IQCH: variants seen among roughly 807,000 people sequenced by gnomAD.
IQCH encodes IQ domain-containing protein H.
A neutral mutation model predicts 117.0 loss-of-function variants in IQCH; 98 were observed. That is an observed-to-expected ratio of 0.84 (90% CI 0.71 to 0.99). The LOEUF is 0.99. Among genes scored for constraint, IQCH ranks in the 50% least tolerant of loss-of-function variants. IQCH has a pLI of 0.00. For missense variants in IQCH, 1,102 were observed against 1,243.8 expected (o/e 0.89, Z 1.72); for synonymous variants, 412 against 448.2 (o/e 0.92, Z 1.02).
intron 16 of IQCH, among the ~76,000 whole-genome samples, chr15:67,435,897 C>T (rs1349781021): frequency 4.6e-5 from 7 of 151,890 alleles, no homozygotes; most frequent in African/African-American, 1.7e-4. Flanking sequence ...TATTCAGATC[C>T]TTTGCCCATG....
Position 67,401,643 on chromosome 15 carries a change from T to C in IQCH, c.2097+1338T>C, listed in dbSNP as rs1008656700. ...GAACAGTCAGGAGAGAGAGTTCCCTTTGACAAATGTGACTGGTTTCCCCAT... is the reference window on the plus strand; with the variant it reads ...GAACAGTCAGGAGAGAGAGTTCCCTCTGACAAATGTGACTGGTTTCCCCAT... On this transcript the variant is annotated intron_variant, in intron 14 of 20. Transcript: ENST00000335894. This position sits in a 1 kb window ranked among gnomAD's most constrained non-coding sequence, Gnocchi z 4.7. Among the ~76,000 whole-genome samples the C allele has an allele frequency of 6.6e-6, 1 of 152,170 alleles. No homozygotes were observed.
intron 14 of IQCH, among the ~76,000 whole-genome samples, chr15:67,409,437 G>A (rs59778056): frequency 6.6e-6 from 1 of 152,166 alleles, no homozygotes; most frequent in African/African-American, 2.4e-5. Context: ...AGTGTTTGTG[G>A]TCGGGGGCAA....
In IQCH at chr15:67,479,554, T is replaced by C. The variant is rs1047335089; in HGVS notation, c.2799+3736T>C. Among the ~76,000 whole-genome samples, 1 of 152,194 alleles carries C rather than the reference T, an allele frequency of 6.6e-6. No homozygotes were observed. The highest frequency in any genetic ancestry group is 1.5e-5 in the Non-Finnish European group (1 of 68,052). On this transcript the variant is annotated intron_variant, in intron 18 of 20. Transcript: ENST00000335894. This position sits in a 1 kb window ranked among gnomAD's most constrained non-coding sequence, Gnocchi z 4.6. ...CTTCAGCTGGAGAAACACAGACTTC[T>C]TTTCATAGCCCCTATGACTATCTCT...
In IQCH at chr15:67,500,874, A is replaced by G. The variant is rs923667316; in HGVS notation, c.*128A>G. 253 of 464,994 alleles carry G rather than the reference A, an allele frequency of 5.4e-4. No individual in the cohort carries two copies. The highest frequency in any genetic ancestry group is 3.0e-4 in the Non-Finnish European group (76 of 255,788). 28.8% of individuals were successfully genotyped at this position (464,994 alleles called of 1,614,324 possible). A position where few individuals can be genotyped will look rare whatever the true frequency, so the allele number is the denominator to read the frequency against. On this transcript the variant is annotated 3_prime_UTR_variant, in exon 21 of 21. Coordinates refer to ENST00000335894, the MANE Select transcript of IQCH (RefSeq NM_001031715.3). The surrounding 1 kb of genome is among the most constrained non-coding windows in gnomAD (Gnocchi z 4.4). ...TGTGCTAGGAGGTGAATCAGAACAGATTATAATGAAATGCTCTTTTTAAAA... is the reference window on the plus strand; with the variant it reads ...TGTGCTAGGAGGTGAATCAGAACAGGTTATAATGAAATGCTCTTTTTAAAA...
intron 4 of IQCH, among the ~76,000 whole-genome samples, chr15:67,335,103 A>G (rs938442401): frequency 6.6e-6 from 1 of 152,030 alleles, no homozygotes; most frequent in African/African-American, 2.4e-5. Flanking sequence ...CAGTCACCTC[A>G]CTGCCTTTTC....
rs982820268 is a variant in IQCH at position 67,473,225 on chromosome 15, T to G, written c.2677-2471T>G. ...AATTTGAGAGTGTTTACAGTTCACT[T>G]CCATGTGCAAAAGCCCATGCTTCTG... On this transcript the variant is annotated intron_variant, in intron 17 of 20. Transcript: ENST00000335894. This position sits in a 1 kb window ranked among gnomAD's most constrained non-coding sequence, Gnocchi z 4.9. 6.6e-6 allele frequency among the ~76,000 whole-genome samples: 1 copy of G among 152,188 alleles called. No homozygotes were observed. Among genetic ancestry groups the G allele is most frequent in the African/African-American group, 2.4e-5 (1 of 41,462 alleles).
At chr15:67,383,399 C>T (rs758803098) in intron 10 of IQCH, among the ~76,000 whole-genome samples, 29 of 152,124 alleles carry the variant, frequency 1.9e-4, no homozygotes, top group Non-Finnish European at 2.4e-4. Flanking sequence ...TCACATGCTG[C>T]GTATGTGGCA....
At chr15:67,265,230 A>G (rs896643730) in intron 3 of IQCH, among the ~76,000 whole-genome samples, 1 of 152,270 alleles carries the variant, frequency 6.6e-6, no homozygotes, top group South Asian at 2.1e-4. Flanking sequence ...TACAGAGAAC[A>G]AAACAGAAAG....
intron 5 of IQCH, among the ~76,000 whole-genome samples, chr15:67,337,495 T>C (rs1968948914): frequency 6.6e-6 from 1 of 152,232 alleles, no homozygotes; most frequent in South Asian, 2.1e-4. Flanking sequence ...CCAGAATTAA[T>C]GTAATTAGTG....
At chr15:67,265,757 A>G (rs979360045) in intron 3 of IQCH, among the ~76,000 whole-genome samples, 1 of 152,230 alleles carries the variant, frequency 6.6e-6, no homozygotes, top group African/African-American at 2.4e-5. Flanking sequence ...ACTTGCCCCA[A>G]GACGCTGTCA....
intron 10 of IQCH, chr15:67,374,222 C>T (rs902854837): frequency 3.3e-5 from 5 of 152,266 alleles, no homozygotes; most frequent in African/African-American, 1.2e-4. Flanking sequence ...TTGCATCTCA[C>T]TAGTGTGTTA....
rs142673476 is a variant in IQCH, at chr15:67,359,948, T to C, written c.753+63T>C. 1.1e-3 allele frequency: 1,460 copies of C among 1,357,380 alleles called. 12 individuals carry two copies. In the African/African-American group the frequency reaches 0.019, roughly 18 times the overall value. The allele number at this position is 1,357,380 out of a possible 1,614,324, so 84.1% of individuals were successfully genotyped here. A position where few individuals can be genotyped will look rare whatever the true frequency, so the allele number is the denominator to read the frequency against. On this transcript the variant is annotated intron_variant, in intron 8 of 20. Transcript: ENST00000335894. The surrounding 1 kb of genome is among the most constrained non-coding windows in gnomAD (Gnocchi z 4.5). ...GTCACCTGATGTCCCTTCCTTTTGC[T>C]GCAGGGCAAGAGTATGGGTGACTGC...
intron 3 of IQCH, among the ~76,000 whole-genome samples, chr15:67,264,312 T>C (rs2140437458): frequency 6.9e-6 from 1 of 144,130 alleles, no homozygotes; most frequent in South Asian, 2.3e-4. Flanking sequence ...ACTCATGTAG[T>C]AGTTTAGAAC....
chr15:67,337,884 GT>G (rs958261318), intron 5 of IQCH, among the ~76,000 whole-genome samples: 16 of 152,234 alleles, frequency 1.1e-4, no homozygotes, highest in African/African-American at 3.9e-4. Flanking sequence ...GTTCCCAAAG[GT>G]TCTTCTGCCA....
chr15:67,495,531 G>A (rs975386317), intron 20 of IQCH, among the ~76,000 whole-genome samples: 1 of 152,202 alleles, frequency 6.6e-6, no homozygotes, highest in Non-Finnish European at 1.5e-5. Context: ...CTGCTAGCTA[G>A]TAGCATCATC....
In IQCH at chr15:67,481,291, G is replaced by A. The variant is rs1300629012; in HGVS notation, c.2799+5473G>A. On this transcript the variant is annotated intron_variant, in intron 18 of 20. Coordinates refer to ENST00000335894, the MANE Select transcript of IQCH (RefSeq NM_001031715.3). The surrounding 1 kb of genome is among the most constrained non-coding windows in gnomAD (Gnocchi z 4.1). ...CTCCCAGTTCTGCATGCCTGGGGAG[G>A]TCTCAGGAAACTTACAATCATGGCG... Among the ~76,000 whole-genome samples, 1 of 152,164 alleles carries A rather than the reference G, an allele frequency of 6.6e-6. No individual in the cohort carries two copies. The highest frequency in any genetic ancestry group is 2.4e-5 in the African/African-American group (1 of 41,448).
chr15:67,413,589 T>C lies in IQCH; in HGVS notation c.2098-3342T>C, dbSNP rs1210711222. 6.6e-6 allele frequency: 1 copy of C among 152,228 alleles called. No homozygotes were observed. The highest frequency in any genetic ancestry group is 2.1e-4 in the South Asian group (1 of 4,824). The allele number at this position is 152,228 out of a possible 1,614,324, so 9.4% of individuals were successfully genotyped here. ...ACAATTTTCATTGGTGCTGAGGCCA[T>C]TCTTAGTATAATCCTTGTTTTTCCC... On this transcript the variant is annotated intron_variant, in intron 14 of 20. Transcript: ENST00000335894. The surrounding 1 kb of genome is among the most constrained non-coding windows in gnomAD (Gnocchi z 5.0).
At chr15:67,378,234 C>T (rs146076534) in intron 10 of IQCH, among the ~76,000 whole-genome samples, 9 of 152,004 alleles carry the variant, frequency 5.9e-5, no homozygotes, top group African/African-American at 2.2e-4. Flanking sequence ...TATGCCTCCA[C>T]GCACACTGGC....
chr15:67,348,059 A>G lies in IQCH; in HGVS notation c.637+3868A>G, dbSNP rs538091613. On this transcript the variant is annotated intron_variant, in intron 6 of 20. Coordinates refer to ENST00000335894, the MANE Select transcript of IQCH (RefSeq NM_001031715.3). ...ATATAACCATCTCAATTTAAAAAAAATCAACATCCATTTGTATCAAAAGCT... is the reference window on the plus strand; with the variant it reads ...ATATAACCATCTCAATTTAAAAAAAGTCAACATCCATTTGTATCAAAAGCT... Among the ~76,000 whole-genome samples, 41 of 152,052 alleles carry G rather than the reference A, an allele frequency of 2.7e-4. No homozygotes were observed. The South Asian group carries it at 8.5e-3, about 32-fold the overall frequency.
Sources: gnomAD v4.1 joint callset for allele counts (sites outside exome capture counted in the v4.1 genomes callset) on GRCh38, gnomAD v4.1.1 for gene constraint, Gnocchi (gnomAD v3.1) non-coding constraint, MANE v1.5 for transcripts, NCBI Gene and HGNC (gene_info 2026-07-23, HGNC 2026-07-21) for gene names.